Variants in CHD5 observed in about 807,000 individuals in gnomAD.
The protein encoded by CHD5 is chromodomain helicase DNA binding protein 5, also known as ATP-dependent chromatin remodeler CHD5.
Under a neutral mutation model 230.3 loss-of-function variants are expected in CHD5, and 69 were observed. The observed-to-expected ratio is 0.30, with a 90% CI of 0.25 to 0.37. The LOEUF (loss-of-function observed/expected upper bound fraction) is 0.37. Ranked by LOEUF, CHD5 falls within the 10% of genes least tolerant of loss-of-function variation. The pLI is 1.00. For synonymous variants in CHD5, 1,064 were observed against 1,065.9 expected (o/e 1.00, Z 0.03); for missense variants, 1,827 against 2,622.8 (o/e 0.70, Z 6.63).
chr1:6,113,118 G>A, intron 33 of CHD5, 120 bp from the exon 34 acceptor site: 1 of 715,986 alleles, frequency 1.4e-6, no homozygotes, highest in Non-Finnish European at 2.4e-6. Flanking sequence ...GAGTCCAACA[G>A]GTGCCACCAA....
chr1:6,134,803 C>A lies in CHD5; in HGVS notation c.2927G>T (p.Gly976Val). The A allele has an allele frequency of 1.2e-6, 2 of 1,614,084 alleles. No individual in the cohort carries two copies. Among genetic ancestry groups the A allele is most frequent in the Non-Finnish European group, 1.7e-6 (2 of 1,179,968 alleles). ...GTTGAGCAGCGATACTTGGTTCCCGCCCCCCTTGGAGTTCAGTGCCTCAAA... is the reference window on the plus strand; with the variant it reads ...GTTGAGCAGCGATACTTGGTTCCCGACCCCCTTGGAGTTCAGTGCCTCAAA... ...RNFEALNSKG[G>V]GNQVSLLNIM... Residue 976 changes from glycine (G) to valine (V), a missense_variant, in exon 19 of 42, where the codon GGC (glycine) becomes GTC (valine). By Grantham distance (109) the Gly-to-Val change is moderately radical. Coordinates refer to ENST00000262450, the MANE Select transcript of CHD5 (RefSeq NM_015557.3). This position sits in a 1 kb window ranked among gnomAD's most constrained non-coding sequence, Gnocchi z 6.3.
chr1:6,102,146 T>G lies in CHD5; in HGVS notation c.*3328A>C, dbSNP rs1247643293. On this transcript the variant is annotated 3_prime_UTR_variant, in exon 42 of 42. Transcript: ENST00000262450. ...CGGGCCAGTGGGGACCCTCCCTTCC[T>G]CTCCAGGGGTGCTTGGGCTCCAATC... is the stretch of plus-strand genomic sequence containing the variant. 2 of 281,520 alleles carry G rather than the reference T, an allele frequency of 7.1e-6. No homozygotes were observed. Among genetic ancestry groups the G allele is most frequent in the East Asian group, 3.7e-4 (2 of 5,474 alleles). The allele number at this position is 281,520 out of a possible 1,614,324, so 17.4% of individuals were successfully genotyped here. A position where few individuals can be genotyped will look rare whatever the true frequency, so the allele number is the denominator to read the frequency against.
chr1:6,161,350 GC>G (rs1349368805), intron 2 of CHD5, among the ~76,000 whole-genome samples: 1 of 152,088 alleles, frequency 6.6e-6, no homozygotes, highest in Non-Finnish European at 1.5e-5. Flanking sequence ...GGAGGTGGGG[GC>G]CCCCTCTGAC....
chr1:6,127,351 G>T (rs1666575234), intron 25 of CHD5, among the ~76,000 whole-genome samples: 1 of 152,192 alleles, frequency 6.6e-6, no homozygotes, highest in Admixed American at 6.5e-5. Context: ...GACAGGCGTG[G>T]TGGTGCATGC....
rs3036973 is a variant in CHD5, at chr1:6,104,490, A to AGG, written c.*982_*983dup. 0.47 allele frequency: 72,088 copies of AGG among 152,014 alleles called. 17,617 individuals are homozygous for AGG. The highest frequency in any genetic ancestry group is 0.54 in the African/African-American group (22,533 of 41,392). 9.4% of individuals were successfully genotyped at this position (152,014 alleles called of 1,614,324 possible). On this transcript the variant is annotated 3_prime_UTR_variant, in exon 42 of 42. Coordinates refer to ENST00000262450, the MANE Select transcript of CHD5 (RefSeq NM_015557.3). ...GGGTAGGCATCCCAGGGCACAGGGC[A>AGG]GGGCCAGGGTCTCCTGGGCCAGCTC...
rs1324694354 is a variant in CHD5, at chr1:6,136,827, G to C, written c.2475C>G (p.Ser825=). The C allele has an allele frequency of 1.9e-6, 3 of 1,612,586 alleles. No individual in the cohort carries two copies. In the African/African-American group the frequency reaches 4.0e-5, roughly 22 times the overall value. ...VQIKFHVLLT[S]YELITIDQAI... is the part of the protein sequence containing the mutation. Reference sequence around the variant, plus strand: ...CCTGGTCAATGGTGATGAGCTCATAGGAGGTGAGCAGCACGTGGAATTTGA... The same window carrying C: ...CCTGGTCAATGGTGATGAGCTCATACGAGGTGAGCAGCACGTGGAATTTGA... Residue 825 remains serine (S), a synonymous_variant, in exon 16 of 42, where the codon TCC becomes TCG. Transcript: ENST00000262450.
chr1:6,152,651 C>A (rs375575761), intron 5 of CHD5, 115 bp from the exon 6 acceptor site: 7 of 1,524,514 alleles, frequency 4.6e-6, no homozygotes, highest in South Asian at 1.2e-5. Flanking sequence ...TCTACCATCA[C>A]CCCGTTTCAG....
chr1:6,147,670 C>G (rs925212397), intron 9 of CHD5, among the ~76,000 whole-genome samples: 3 of 152,180 alleles, frequency 2.0e-5, no homozygotes, highest in Non-Finnish European at 2.9e-5. Context: ...TACCTGTCCT[C>G]GGAAACTCAT....
chr1:6,149,110 G>A (rs763929307), intron 8 of CHD5, 35 bp from the exon 9 acceptor site: 6 of 1,473,028 alleles, frequency 4.1e-6, no homozygotes, highest in Non-Finnish European at 5.4e-6. Flanking sequence ...CACCCTGGGC[G>A]GGGTCCCCGC....
intron 1 of CHD5, among the ~76,000 whole-genome samples, chr1:6,178,424 C>G (rs1210960901): frequency 6.6e-6 from 1 of 152,156 alleles, no homozygotes; most frequent in African/African-American, 2.4e-5. Context: ...ACAAAAGGGC[C>G]ACACCCCAAA....
intron 15 of CHD5, among the ~76,000 whole-genome samples, chr1:6,140,695 G>T (rs1320603851): frequency 6.6e-6 from 1 of 152,028 alleles, no homozygotes; most frequent in Non-Finnish European, 1.5e-5. Context: ...TGGAAATAGG[G>T]TCTTTGCAGA....
chr1:6,153,273 G>C (rs994586711), intron 5 of CHD5, among the ~76,000 whole-genome samples: 6 of 152,248 alleles, frequency 3.9e-5, no homozygotes, highest in Non-Finnish European at 8.8e-5. Context: ...TCATGGAATC[G>C]ATAGCTCAGC....
chr1:6,172,454 C>T (rs1015565610), intron 1 of CHD5, among the ~76,000 whole-genome samples: 2 of 152,126 alleles, frequency 1.3e-5, no homozygotes, highest in African/African-American at 4.8e-5. Flanking sequence ...GCCTCCTGAG[C>T]AGCTGGGACA....
At chr1:6,112,587 G>A (rs565965398) in intron 34 of CHD5, among the ~76,000 whole-genome samples, 10 of 152,336 alleles carry the variant, frequency 6.6e-5, no homozygotes, top group Admixed American at 2.6e-4. Context: ...CTGATCTGAG[G>A]ACAACTGTTC....
chr1:6,115,501 C>T (rs992173370), intron 33 of CHD5, among the ~76,000 whole-genome samples: 2 of 152,108 alleles, frequency 1.3e-5, no homozygotes, highest in Admixed American at 6.5e-5. Context: ...TCTGGCTGGT[C>T]ACAGAAAAGG....
intron 3 of CHD5, among the ~76,000 whole-genome samples, chr1:6,159,006 C>CAAAAAA (rs35569300): frequency 1.6e-5 from 1 of 63,614 alleles, no homozygotes; most frequent in African/African-American, 8.3e-5. Context: ...GACTCCGTCT[C>CAAAAAA]AAAAAAAAAA....
At chr1:6,132,521 C>T (rs565707331) in intron 20 of CHD5, among the ~76,000 whole-genome samples, 1 of 152,330 alleles carries the variant, frequency 6.6e-6, no homozygotes, top group East Asian at 1.9e-4. Flanking sequence ...CTCAACAAAT[C>T]CAACTTCTTC....
At position 6,102,574 on chromosome 1, in the gene CHD5, TCTCCA is replaced by T. The variant is rs1362737996; in HGVS notation, c.*2895_*2899del. ...CTGGCTCCCATGTACCCGAGCCCAC[TCTCCA>T]CTCCACCTCCTTGGGCCTCAAGTGT... On this transcript the variant is annotated 3_prime_UTR_variant, in exon 42 of 42. Transcript: ENST00000262450. 6.6e-6 allele frequency: 1 copy of T among 152,214 alleles called. No individual in the cohort carries two copies. Among genetic ancestry groups the T allele is most frequent in the African/African-American group, 2.4e-5 (1 of 41,446 alleles). 9.4% of individuals were successfully genotyped at this position (152,214 alleles called of 1,614,324 possible). A position where few individuals can be genotyped will look rare whatever the true frequency, so the allele number is the denominator to read the frequency against.
chr1:6,109,891 G>C lies in CHD5; in HGVS notation c.5482C>G (p.Arg1828Gly). Residue 1828 changes from arginine (R) to glycine (G), a missense_variant, in exon 38 of 42, where the codon CGC (arginine) becomes GGC (glycine). Arg to Gly is a moderately radical substitution (Grantham distance 125). This residue lies in a region of CHD5 where 208 missense variants were observed against 302.0 expected (regional missense o/e 0.69). Coordinates refer to ENST00000262450, the MANE Select transcript of CHD5 (RefSeq NM_015557.3). ...GCGAGGCACTCCACTTCAGCCAGGC[G>C]GGCGTTGAGGGCCATGGCGGGGTGG... ...PNHPAMALNA[R>G]LAEVECLAES... is the part of the protein sequence containing the mutation. 6.2e-7 allele frequency: 1 copy of C among 1,612,366 alleles called. No individual in the cohort carries two copies. The highest frequency in any genetic ancestry group is 8.5e-7 in the Non-Finnish European group (1 of 1,179,422).
Sources: gnomAD v4.1 joint callset for allele counts (sites outside exome capture counted in the v4.1 genomes callset) on GRCh38, gnomAD v4.1.1 for gene constraint, gnomAD v4.1.1 regional missense constraint, Gnocchi (gnomAD v3.1) non-coding constraint, MANE v1.5 for transcripts, NCBI Gene and HGNC (gene_info 2026-07-23, HGNC 2026-07-21) for gene names.